FHIT: variants seen among roughly 807,000 people sequenced by gnomAD.
FHIT encodes the protein bis(5'-adenosyl)-triphosphatase.
In FHIT, 19 loss-of-function variants were observed where a neutral mutation model predicts 17.9. The ratio of observed to expected loss-of-function variants is 1.06; its 90% CI spans 0.74 to 1.56. The LOEUF (loss-of-function observed/expected upper bound fraction) is 1.56, where lower values mean the gene tolerates loss of function less well. FHIT is among the 40% of genes most tolerant of loss of function. The probability of loss-of-function intolerance (pLI) is 0.00; values close to 1 mark genes in which losing one functional copy is unlikely to be tolerated. For missense variants in FHIT, 248 were observed against 189.2 expected (o/e 1.31, Z -1.82); for synonymous variants, 81 against 69.7 (o/e 1.16, Z -0.81).
chr3:60,343,282 T>C (rs572333631), intron 5 of FHIT, among the ~76,000 whole-genome samples: 6 of 151,778 alleles, frequency 4.0e-5, no homozygotes, highest in Non-Finnish European at 7.4e-5. Context: ...GTGTAGGGAA[T>C]GGGGGAAGAG....
intron 4 of FHIT, among the ~76,000 whole-genome samples, chr3:60,672,874 C>CATATGTGTGTGTGTGT (rs71092628): frequency 7.2e-6 from 1 of 139,478 alleles, no homozygotes; most frequent in Non-Finnish European, 1.5e-5. Flanking sequence ...CTCTTTGTAG[C>CATATGTGTGTGTGTGT]GTGTGTGTGT....
At chr3:61,024,981 T>C (rs1362639863) in intron 3 of FHIT, among the ~76,000 whole-genome samples, 1 of 152,176 alleles carries the variant, frequency 6.6e-6, no homozygotes, top group East Asian at 1.9e-4. Context: ...TTACCTTGTC[T>C]ATATCTATGA....
intron 5 of FHIT, among the ~76,000 whole-genome samples, chr3:60,291,221 A>T: frequency 6.6e-6 from 1 of 152,214 alleles, no homozygotes; most frequent in African/African-American, 2.4e-5. Flanking sequence ...AGGGAAATAC[A>T]GGGGGTTTTA....
intron 1 of FHIT, among the ~76,000 whole-genome samples, chr3:61,226,535 C>A (rs1276072940): frequency 6.6e-6 from 1 of 152,036 alleles, no homozygotes; most frequent in African/African-American, 2.4e-5. Flanking sequence ...GCCTGTCAGC[C>A]TCCGAGAACC....
intron 5 of FHIT, among the ~76,000 whole-genome samples, chr3:60,194,957 G>A (rs1272204953): frequency 6.6e-6 from 1 of 152,130 alleles, no homozygotes; most frequent in African/African-American, 2.4e-5. Flanking sequence ...CCTGAAGTCA[G>A]GAGTTCTAGA....
chr3:59,790,244 T>C (rs1028523322), intron 8 of FHIT, among the ~76,000 whole-genome samples: 6 of 152,208 alleles, frequency 3.9e-5, no homozygotes, highest in Admixed American at 2.0e-4. Context: ...AGCATTTTCT[T>C]GAACCCCAAT....
intron 3 of FHIT, among the ~76,000 whole-genome samples, chr3:60,883,686 T>C (rs559277548): frequency 1.3e-5 from 2 of 152,296 alleles, no homozygotes. Flanking sequence ...ACTAGACCTC[T>C]GTCTCTCACA....
intron 7 of FHIT, among the ~76,000 whole-genome samples, chr3:59,992,940 T>C (rs1699351279): frequency 6.6e-6 from 1 of 152,106 alleles, no homozygotes; most frequent in Non-Finnish European, 1.5e-5. Context: ...ATGATATTTT[T>C]CTTTAAACAA....
chr3:59,751,965 C>T, intron 9 of FHIT: 1 of 406,364 alleles, frequency 2.5e-6, no homozygotes, highest in Non-Finnish European at 4.4e-6. Context: ...GCAGGAAAGA[C>T]TGGAGAAAGG....
intron 5 of FHIT, among the ~76,000 whole-genome samples, chr3:60,140,829 C>T (rs770995162): frequency 3.9e-5 from 6 of 152,192 alleles, no homozygotes; most frequent in Admixed American, 6.5e-5. Flanking sequence ...CCACCTGCCT[C>T]GGCCTTCCAA....
At chr3:60,547,882 C>A (rs922004750) in intron 4 of FHIT, among the ~76,000 whole-genome samples, 1 of 152,118 alleles carries the variant, frequency 6.6e-6, no homozygotes, top group East Asian at 1.9e-4. Flanking sequence ...AGGCCCCAAA[C>A]TGGGAAATCT....
At chr3:60,309,604 A>T (rs986554711) in intron 5 of FHIT, among the ~76,000 whole-genome samples, 10 of 152,104 alleles carry the variant, frequency 6.6e-5, no homozygotes, top group African/African-American at 2.4e-4. Flanking sequence ...TATAAACTCC[A>T]AATTGAGGCT....
At chr3:60,505,687 T>C (rs1398413538) in intron 5 of FHIT, among the ~76,000 whole-genome samples, 1 of 152,208 alleles carries the variant, frequency 6.6e-6, no homozygotes, top group African/African-American at 2.4e-5. Context: ...TTTTGATTGC[T>C]ATTTTTCATG....
intron 4 of FHIT, among the ~76,000 whole-genome samples, chr3:60,722,297 A>G (rs782117198): frequency 6.6e-6 from 1 of 152,252 alleles, no homozygotes; most frequent in African/African-American, 2.4e-5. Context: ...GCCCATTTAT[A>G]TTGCAGAATG....
At chr3:61,154,630 G>T (rs902395163) in intron 2 of FHIT, among the ~76,000 whole-genome samples, 1 of 152,138 alleles carries the variant, frequency 6.6e-6, no homozygotes, top group Non-Finnish European at 1.5e-5. Context: ...CGTGTCCTTG[G>T]GGACATGGGA....
Position 61,186,183 on chromosome 3 carries a change from C to G in FHIT, c.-164+14434G>C, listed in dbSNP as rs184939624. On this transcript the variant is annotated intron_variant, in intron 2 of 9. Transcript: ENST00000492590. Reference sequence around the variant, plus strand: ...GGTGGTAACTAAGTTATTTACATCACTGGGACTCTTCCAGTGTTATTAAAG... The same window carrying G: ...GGTGGTAACTAAGTTATTTACATCAGTGGGACTCTTCCAGTGTTATTAAAG... 2.4e-3 allele frequency among the ~76,000 whole-genome samples: 360 copies of G among 152,302 alleles called. 2 individuals carry two copies. The highest frequency in any genetic ancestry group is 8.4e-3 in the African/African-American group (349 of 41,558).
intron 5 of FHIT, among the ~76,000 whole-genome samples, chr3:60,119,763 A>G (rs193134779): frequency 2.5e-3 from 382 of 152,240 alleles, no homozygotes; most frequent in Admixed American, 5.6e-3. Context: ...TTCCCTTCCC[A>G]GTTTTAAAAC....
At chr3:60,351,548 A>G (rs892276612) in intron 5 of FHIT, among the ~76,000 whole-genome samples, 1 of 152,210 alleles carries the variant, frequency 6.6e-6, no homozygotes, top group East Asian at 1.9e-4. Context: ...ATTACCTGTA[A>G]TACTTCTAAG....
intron 5 of FHIT, among the ~76,000 whole-genome samples, chr3:60,314,715 T>A (rs1004981484): frequency 6.6e-6 from 1 of 152,130 alleles, no homozygotes; most frequent in African/African-American, 2.4e-5. Flanking sequence ...TCTTTAACAT[T>A]CCTTCCATCC....
Sources: allele counts gnomAD v4.1 joint callset (sites outside exome capture counted in the v4.1 genomes callset), GRCh38; gene constraint gnomAD v4.1.1; transcripts MANE v1.5; gene names NCBI Gene and HGNC (gene_info 2026-07-23, HGNC 2026-07-21).